KHDRBS3: variants seen among roughly 807,000 people sequenced by gnomAD.
KHDRBS3 encodes the protein KH RNA binding domain containing, signal transduction associated 3.
A neutral mutation model predicts 45.6 loss-of-function variants in KHDRBS3; 23 were observed. The observed-to-expected ratio is 0.50, with a 90% CI of 0.36 to 0.72. The LOEUF (loss-of-function observed/expected upper bound fraction) is 0.72. KHDRBS3 is among the 30% of genes least tolerant of loss of function. The pLI, the probability that KHDRBS3 is intolerant of heterozygous loss-of-function variation, is 0.00. For missense variants in KHDRBS3, 352 were observed against 424.8 expected, an observed-to-expected ratio of 0.83 and a Z score of 1.51; for synonymous variants, 162 against 156.5, an observed-to-expected ratio of 1.04 and a Z score of -0.26.
intron 1 of KHDRBS3, among the ~76,000 whole-genome samples, chr8:135,509,779 C>T (rs533840185): frequency 6.6e-6 from 1 of 152,182 alleles, no homozygotes; most frequent in South Asian, 2.1e-4. Flanking sequence ...ACAAATGCTA[C>T]ACTGGTAGCA....
At chr8:135,554,663 C>T (rs1194448332) in intron 4 of KHDRBS3, among the ~76,000 whole-genome samples, 2 of 152,032 alleles carry the variant, frequency 1.3e-5, no homozygotes, top group Admixed American at 6.6e-5. Context: ...TCATTATTTG[C>T]CTTCTCTTCT....
intron 2 of KHDRBS3, among the ~76,000 whole-genome samples, chr8:135,530,602 C>G (rs1825424541): frequency 6.6e-6 from 1 of 152,186 alleles, no homozygotes. Flanking sequence ...CAAATGGCCA[C>G]TGAACGCTTC....
intron 1 of KHDRBS3, among the ~76,000 whole-genome samples, chr8:135,517,368 C>A (rs1199491539): frequency 6.6e-6 from 1 of 152,194 alleles, no homozygotes; most frequent in South Asian, 2.1e-4. Flanking sequence ...ACTAGAGGGT[C>A]ACATCCATCT....
At chr8:135,536,776 A>C (rs988790613) in intron 2 of KHDRBS3, among the ~76,000 whole-genome samples, 1 of 150,232 alleles carries the variant, frequency 6.7e-6, no homozygotes, top group Non-Finnish European at 1.5e-5. Flanking sequence ...CTGGCTAACA[A>C]GGTGAAACCC....
chr8:135,592,095 G>A (rs1486669267), intron 6 of KHDRBS3, among the ~76,000 whole-genome samples: 2 of 152,154 alleles, frequency 1.3e-5, no homozygotes, highest in African/African-American at 2.4e-5. Context: ...CAGGGTAAGA[G>A]CAGTAGGCAA....
At chr8:135,483,048 G>A (rs553923114) in intron 1 of KHDRBS3, among the ~76,000 whole-genome samples, 5 of 151,788 alleles carry the variant, frequency 3.3e-5, no homozygotes, top group Non-Finnish European at 5.9e-5. Context: ...ATCATTATTT[G>A]TTTTTTTTGT....
intron 6 of KHDRBS3, among the ~76,000 whole-genome samples, chr8:135,598,486 C>T (rs1222706807): frequency 6.6e-6 from 1 of 152,104 alleles, no homozygotes; most frequent in East Asian, 1.9e-4. Context: ...CATCAGACTC[C>T]AAAGACTGAT....
chr8:135,530,059 C>CAAAAAAAA lies in KHDRBS3; in HGVS notation c.207+8710_207+8717dup, dbSNP rs11428464. Among the ~76,000 whole-genome samples, 307 of 136,608 alleles carry CAAAAAAAA rather than the reference C, an allele frequency of 2.2e-3. 1 individual carries two copies. Among genetic ancestry groups the CAAAAAAAA allele is most frequent in the African/African-American group, 8.4e-3 (287 of 34,368 alleles). The allele number at this position is 136,608 out of a possible 152,430, so 89.6% of individuals were successfully genotyped here. A position where few individuals can be genotyped will look rare whatever the true frequency, so the allele number is the denominator to read the frequency against. ...GGGGCACAAAGTGAGACTCCCATCTCAAAAAAAAAAAAAGAAATTAAAGTC... is the reference window on the plus strand; with the variant it reads ...GGGGCACAAAGTGAGACTCCCATCTCAAAAAAAAAAAAAAAAAAAAAGAAATTAAAGTC... On this transcript the variant is annotated intron_variant, in intron 2 of 8. Transcript: ENST00000355849.
In KHDRBS3 at chr8:135,612,572, A is replaced by G. The variant is rs143862823; in HGVS notation, c.890+5535A>G. Among the ~76,000 whole-genome samples, 6 of 151,964 alleles carry G rather than the reference A, an allele frequency of 3.9e-5. No homozygotes were observed. In the East Asian group the frequency reaches 1.2e-3, roughly 29 times the overall value. On this transcript the variant is annotated intron_variant, in intron 7 of 8. Transcript: ENST00000355849. ...TATCTAACATGTCTTGATTTTGACA[A>G]TTCAGGTTCCATAAGATTTCATACG...
At chr8:135,643,065 T>C (rs184411535) in intron 7 of KHDRBS3, among the ~76,000 whole-genome samples, 23 of 152,286 alleles carry the variant, frequency 1.5e-4, no homozygotes, top group African/African-American at 5.1e-4. Context: ...AGTGCTGAGA[T>C]TACAGGCATG....
At chr8:135,650,195 G>A (rs1189815894), downstream of KHDRBS3, among the ~76,000 whole-genome samples, 1 of 152,170 alleles carries the variant, frequency 6.6e-6, no homozygotes, top group African/African-American at 2.4e-5. Flanking sequence ...ATGGAACCCG[G>A]TATTCAAATA....
chr8:135,589,469 A>G (rs1325913542), intron 6 of KHDRBS3, among the ~76,000 whole-genome samples: 2 of 152,194 alleles, frequency 1.3e-5, no homozygotes, highest in African/African-American at 4.8e-5. Flanking sequence ...CATTCAGTCT[A>G]TCCCAATTGC....
intron 2 of KHDRBS3, chr8:135,540,902 T>C (rs1306892613): frequency 6.6e-6 from 1 of 152,100 alleles, no homozygotes; most frequent in Non-Finnish European, 1.5e-5. Context: ...GGAAATCCCA[T>C]AAAAGAGAAA....
At chr8:135,590,083 A>G (rs1460709935) in intron 6 of KHDRBS3, among the ~76,000 whole-genome samples, 1 of 152,214 alleles carries the variant, frequency 6.6e-6, no homozygotes, top group African/African-American at 2.4e-5. Context: ...TGAACACCAT[A>G]GAGTGTTCTT....
chr8:135,530,735 A>C (rs12550226), intron 2 of KHDRBS3, among the ~76,000 whole-genome samples: 1 of 152,060 alleles, frequency 6.6e-6, no homozygotes, highest in Admixed American at 6.6e-5. Flanking sequence ...GACAGACAAC[A>C]GTGTATTTGA....
At chr8:135,501,860 C>T (rs1823751395) in intron 1 of KHDRBS3, among the ~76,000 whole-genome samples, 3 of 152,120 alleles carry the variant, frequency 2.0e-5, no homozygotes, top group Admixed American at 6.5e-5. Context: ...TCGCTTTTTG[C>T]ACTCTTCGGT....
intron 7 of KHDRBS3, among the ~76,000 whole-genome samples, chr8:135,621,706 A>C (rs867956413): frequency 0.096 from 1,677 of 17,530 alleles, 25 homozygotes; most frequent in Middle Eastern, 0.17. Context: ...GAAGAGCACA[A>C]AAAAAAAAAA....
chr8:135,585,703 G>A (rs1056911761), intron 6 of KHDRBS3, among the ~76,000 whole-genome samples: 13 of 152,146 alleles, frequency 8.5e-5, no homozygotes, highest in African/African-American at 1.2e-4. Context: ...ATATAGCTAT[G>A]TAGAACAATC....
intron 6 of KHDRBS3, 23 bp downstream of exon 6, chr8:135,582,096 A>G: frequency 2.0e-6 from 3 of 1,503,986 alleles, no homozygotes; most frequent in Non-Finnish European, 2.7e-6. Flanking sequence ...GTCAGACAAC[A>G]GCCTTGTTCA....
Sources: gnomAD v4.1 joint callset for allele counts (sites outside exome capture counted in the v4.1 genomes callset) on GRCh38, gnomAD v4.1.1 for gene constraint, MANE v1.5 for transcripts, NCBI Gene and HGNC (gene_info 2026-07-23, HGNC 2026-07-21) for gene names.